The following PSMA1 variants were observed in gnomAD, a reference collection of about 807,000 sequenced individuals.
The protein encoded by PSMA1 is proteasome subunit alpha type-1.
In PSMA1, 3 loss-of-function variants were observed where a neutral mutation model predicts 38.4. The observed-to-expected ratio is 0.08, with a 90% confidence interval of 0.04 to 0.20. The LOEUF (loss-of-function observed/expected upper bound fraction) is 0.20. Among genes scored for constraint, PSMA1 ranks in the 10% least tolerant of loss-of-function variants. PSMA1 has a pLI of 1.00. For missense variants in PSMA1, 227 were observed against 325.3 expected (o/e 0.70, Z 2.32); for synonymous variants, 101 against 107.1 (o/e 0.94, Z 0.35).
intron 2 of PSMA1, among the ~76,000 whole-genome samples, chr11:14,539,872 A>AAC (rs1851752577): frequency 1.3e-5 from 2 of 151,954 alleles, no homozygotes; most frequent in South Asian, 4.2e-4. Context: ...AAGAAAAAAA[A>AAC]AACAACAACA....
intron 2 of PSMA1, among the ~76,000 whole-genome samples, chr11:14,583,694 G>C (rs1852307809): frequency 6.6e-6 from 1 of 152,134 alleles, no homozygotes; most frequent in African/African-American, 2.4e-5. Context: ...GAAACAACAG[G>C]AGTTAGGCAG....
chr11:14,562,190 C>T (rs1459237026), intron 2 of PSMA1, among the ~76,000 whole-genome samples: 1 of 152,212 alleles, frequency 6.6e-6, no homozygotes, highest in Non-Finnish European at 1.5e-5. Context: ...GCTTAGATCT[C>T]AGGGAGCAGG....
intron 1 of PSMA1, among the ~76,000 whole-genome samples, chr11:14,636,872 G>A (rs1286456641): frequency 6.6e-6 from 1 of 152,084 alleles, no homozygotes; most frequent in East Asian, 1.9e-4. Flanking sequence ...TTTCCAAATG[G>A]TACTACTGCC....
intron 7 of PSMA1, among the ~76,000 whole-genome samples, chr11:14,511,191 T>C (rs1398218777): frequency 6.6e-6 from 1 of 152,206 alleles, no homozygotes; most frequent in Non-Finnish European, 1.5e-5. Flanking sequence ...TCTTCTCTTT[T>C]GCTAGGTCAA....
chr11:14,593,109 C>A (rs988017713), intron 2 of PSMA1, among the ~76,000 whole-genome samples: 11 of 152,212 alleles, frequency 7.2e-5, no homozygotes, highest in African/African-American at 1.2e-4. Flanking sequence ...TGAATTATCT[C>A]ACCCACTTCT....
chr11:14,535,687 C>T (rs923489748), intron 2 of PSMA1, among the ~76,000 whole-genome samples: 7 of 152,022 alleles, frequency 4.6e-5, no homozygotes, highest in Non-Finnish European at 7.4e-5. Flanking sequence ...TCAGGTGATG[C>T]GCCCACCTCG....
In PSMA1 at chr11:14,504,996, C is replaced by G; in HGVS notation, c.*196G>C. On this transcript the variant is annotated 3_prime_UTR_variant, in exon 10 of 10. Transcript: ENST00000396394. Reference sequence around the variant, plus strand: ...CTTTCTAGAAAATGATTATACAGACCCTTTCAAAGAAAAATGTATTCCATT... The same window carrying G: ...CTTTCTAGAAAATGATTATACAGACGCTTTCAAAGAAAAATGTATTCCATT... The G allele has an allele frequency of 1.8e-6, 1 of 559,032 alleles. No individual in the cohort carries two copies. Among genetic ancestry groups the G allele is most frequent in the Non-Finnish European group, 3.2e-6 (1 of 312,230 alleles). 34.6% of individuals were successfully genotyped at this position (559,032 alleles called of 1,614,324 possible). A position where few individuals can be genotyped will look rare whatever the true frequency, so the allele number is the denominator to read the frequency against.
intron 1 of PSMA1, among the ~76,000 whole-genome samples, chr11:14,624,529 C>A: frequency 6.6e-6 from 1 of 152,158 alleles, no homozygotes; most frequent in Non-Finnish European, 1.5e-5. Context: ...CTGGGCTCTG[C>A]AGGGCTGGAG....
chr11:14,554,945 C>T (rs1280548371), intron 2 of PSMA1, among the ~76,000 whole-genome samples: 2 of 152,210 alleles, frequency 1.3e-5, no homozygotes, highest in Non-Finnish European at 1.5e-5. Context: ...TGCTTTATTG[C>T]CTCTCTAAAC....
At chr11:14,628,526 A>G (rs1234098656) in intron 1 of PSMA1, among the ~76,000 whole-genome samples, 1 of 150,344 alleles carries the variant, frequency 6.7e-6, no homozygotes, top group Non-Finnish European at 1.5e-5. Context: ...ATAGTATTCC[A>G]TGGTGTATAT....
chr11:14,541,952 T>C (rs1851777681), intron 2 of PSMA1, among the ~76,000 whole-genome samples: 1 of 152,230 alleles, frequency 6.6e-6, no homozygotes, highest in South Asian at 2.1e-4. Context: ...GTATTTCCAC[T>C]GTGTAAGATT....
At chr11:14,517,595 T>A (rs1272069630) in intron 4 of PSMA1, 47 bp downstream of exon 4, 4 of 1,400,650 alleles carry the variant, frequency 2.9e-6, no homozygotes, top group Non-Finnish European at 3.9e-6. Flanking sequence ...AGAAAACTAA[T>A]CAATTATGAA....
intron 2 of PSMA1, among the ~76,000 whole-genome samples, chr11:14,532,253 G>C (rs1851655369): frequency 6.6e-6 from 1 of 152,110 alleles, no homozygotes; most frequent in Non-Finnish European, 1.5e-5. Context: ...TTTTCGACCT[G>C]TTCAAATATA....
chr11:14,525,627 A>G (rs1471076769), intron 2 of PSMA1, among the ~76,000 whole-genome samples: 1 of 152,124 alleles, frequency 6.6e-6, no homozygotes, highest in Non-Finnish European at 1.5e-5. Flanking sequence ...TGTTTTGCCT[A>G]TCCACCCTGT....
intron 2 of PSMA1, chr11:14,610,833 T>C (rs1852699950): frequency 1.2e-6 from 1 of 867,850 alleles, no homozygotes; most frequent in Non-Finnish European, 1.7e-6. Context: ...TTTCTTTTTT[T>C]CTCTTTTTGT....
At chr11:14,552,065 T>C (rs1169995892) in intron 2 of PSMA1, among the ~76,000 whole-genome samples, 1 of 152,176 alleles carries the variant, frequency 6.6e-6, no homozygotes, top group East Asian at 1.9e-4. Flanking sequence ...TAGATGTTGC[T>C]GGATTTCTTG....
chr11:14,513,556 A>G lies in PSMA1; in HGVS notation c.544+14T>C. The G allele has an allele frequency of 7.0e-7, 1 of 1,436,270 alleles. No individual in the cohort carries two copies. The highest frequency in any genetic ancestry group is 9.1e-7 in the Non-Finnish European group (1 of 1,094,338). The allele number at this position is 1,436,270 out of a possible 1,614,324, so 89.0% of individuals were successfully genotyped here. A position where few individuals can be genotyped will look rare whatever the true frequency, so the allele number is the denominator to read the frequency against. On this transcript the variant is annotated intron_variant, in intron 7 of 9. Coordinates refer to ENST00000396394, the MANE Select transcript of PSMA1 (RefSeq NM_002786.4). ...GCAAAAAAAAAAAAAAAAAAAAGCAAGGCTGTCACTTACACTCCATAAATT... is the reference window on the plus strand; with the variant it reads ...GCAAAAAAAAAAAAAAAAAAAAGCAGGGCTGTCACTTACACTCCATAAATT...
upstream of PSMA1, among the ~76,000 whole-genome samples, chr11:14,523,365 G>A (rs1851550229): frequency 6.6e-6 from 1 of 152,076 alleles, no homozygotes; most frequent in African/African-American, 2.4e-5. Context: ...TGAACTCCTG[G>A]GCTCAAGCCA....
intron 9 of PSMA1, among the ~76,000 whole-genome samples, chr11:14,507,074 G>A (rs1851255673): frequency 6.6e-6 from 1 of 152,180 alleles, no homozygotes. Context: ...CCGCAAAATT[G>A]TGAGAAGTAG....
Sources: gnomAD v4.1 joint callset for allele counts (sites outside exome capture counted in the v4.1 genomes callset) on GRCh38, gnomAD v4.1.1 for gene constraint, MANE v1.5 for transcripts, NCBI Gene and HGNC (gene_info 2026-07-23, HGNC 2026-07-21) for gene names.